Variants in USP32 observed in about 807,000 individuals in gnomAD.
USP32 encodes the protein ubiquitin carboxyl-terminal hydrolase 32.
In USP32, 59 loss-of-function variants were observed where a neutral mutation model predicts 204.8. The ratio of observed to expected loss-of-function variants is 0.29; its 90% CI spans 0.23 to 0.36. The LOEUF is 0.36. Ranked by LOEUF, USP32 falls within the 10% of genes least tolerant of loss-of-function variation. The probability of loss-of-function intolerance (pLI) is 1.00; values close to 1 mark genes in which losing one functional copy is unlikely to be tolerated. For synonymous variants in USP32, 517 were observed against 678.4 expected (o/e 0.76, Z 3.70); for missense variants, 1,160 against 1,946.4 (o/e 0.60, Z 7.60).
Position 60,212,115 on chromosome 17 carries a change from G to C in USP32, c.2105-17C>G. On this transcript the variant is annotated splice_polypyrimidine_tract_variant and intron_variant, in intron 18 of 33. Transcript: ENST00000300896. ...TGTTGCGAACTGGAAGGACAGATAG[G>C]AATGTGTTAATTTCTTATCTATCTA... 1 of 1,582,484 alleles carries C rather than the reference G, an allele frequency of 6.3e-7. No homozygotes were observed. The highest frequency in any genetic ancestry group is 1.8e-5 in the Admixed American group (1 of 55,132).
chr17:60,399,009 C>G (rs2089917427), intron 1 of USP32, among the ~76,000 whole-genome samples: 1 of 151,792 alleles, frequency 6.6e-6, no homozygotes, highest in Non-Finnish European at 1.5e-5. Flanking sequence ...AGAAAAATCT[C>G]TAGAAAGTCC....
intron 2 of USP32, among the ~76,000 whole-genome samples, chr17:60,319,373 A>C (rs923831374): frequency 1.1e-4 from 16 of 152,220 alleles, no homozygotes; most frequent in Non-Finnish European, 2.2e-4. Context: ...TCTGTGAGCT[A>C]GGCACAGTAG....
At chr17:60,378,510 CA>C (rs1042351624) in intron 1 of USP32, among the ~76,000 whole-genome samples, 4 of 152,150 alleles carry the variant, frequency 2.6e-5, no homozygotes, top group Non-Finnish European at 5.9e-5. Context: ...TTCACAACAA[CA>C]TTATTCACAA....
intron 1 of USP32, among the ~76,000 whole-genome samples, chr17:60,363,679 G>A (rs1462139630): frequency 6.6e-6 from 1 of 151,458 alleles, no homozygotes; most frequent in Non-Finnish European, 1.5e-5. Flanking sequence ...AGGGTTTTTT[G>A]GTGGAGATGG....
At chr17:60,231,177 A>G (rs2085538353) in intron 12 of USP32, among the ~76,000 whole-genome samples, 1 of 152,180 alleles carries the variant, frequency 6.6e-6, no homozygotes. Context: ...TATGTGTTCT[A>G]AAATATGGGT....
chr17:60,179,370 T>G lies in USP32; in HGVS notation c.4700A>C (p.Gln1567Pro), dbSNP rs770763522. The change falls in exon 34 of 34, where the codon CAG (glutamine) becomes CCG (proline). Residue 1567 changes from glutamine to proline, a missense_variant. Gln to Pro is a moderately conservative substitution (Grantham distance 76, BLOSUM62 -1). Transcript: ENST00000300896. ...DSAYILFYEQ[Q>P]GIDYAQFLPK... ...CAGAAATTGTGCATAGTCTATCCCC[T>G]GCTGCTCATAGAAAAGAATGTAGGC... 2.7e-5 allele frequency: 44 copies of G among 1,613,312 alleles called. No homozygotes were observed. In the Admixed American group the frequency reaches 7.3e-4, roughly 27 times the overall value.
intron 1 of USP32, among the ~76,000 whole-genome samples, chr17:60,379,231 G>A (rs1204243125): frequency 6.6e-6 from 1 of 152,104 alleles, no homozygotes; most frequent in Non-Finnish European, 1.5e-5. Flanking sequence ...GGGTTTTACA[G>A]CAATGCAAAT....
At chr17:60,324,871 C>T (rs1014156305) in intron 2 of USP32, among the ~76,000 whole-genome samples, 5 of 151,924 alleles carry the variant, frequency 3.3e-5, no homozygotes, top group Non-Finnish European at 5.9e-5. Flanking sequence ...GGTGTGGTGG[C>T]GCATGCCTGT....
intron 1 of USP32, among the ~76,000 whole-genome samples, chr17:60,372,231 T>C (rs2089455495): frequency 6.6e-6 from 1 of 151,946 alleles, no homozygotes; most frequent in Admixed American, 6.6e-5. Context: ...CCAAGGAAAA[T>C]TAAGGAGCTG....
At chr17:60,265,318 G>T in intron 9 of USP32, 94 bp downstream of exon 9, 1 of 815,590 alleles carries the variant, frequency 1.2e-6, no homozygotes, top group Non-Finnish European at 1.9e-6. Flanking sequence ...TAGGGAGGAT[G>T]CCAAAGAGAT....
intron 1 of USP32, among the ~76,000 whole-genome samples, chr17:60,346,949 G>A (rs1041629448): frequency 2.0e-5 from 3 of 152,300 alleles, no homozygotes; most frequent in Admixed American, 2.0e-4. Context: ...CAGAGACTCT[G>A]TCCTGTCATA....
chr17:60,180,341 CTCTT>C (rs2084074791), intron 33 of USP32, among the ~76,000 whole-genome samples, 200 bp downstream of exon 33: 1 of 152,182 alleles, frequency 6.6e-6, no homozygotes, highest in Non-Finnish European at 1.5e-5. Flanking sequence ...AGTCAACTAA[CTCTT>C]TATTTTTCCT....
intron 1 of USP32, among the ~76,000 whole-genome samples, chr17:60,372,111 T>A (rs1235429688): frequency 6.6e-6 from 1 of 152,120 alleles, no homozygotes; most frequent in Non-Finnish European, 1.5e-5. Context: ...TAAATTCTCA[T>A]GCTCAGAAGT....
At position 60,259,448 on chromosome 17, in the gene USP32, G is replaced by A. The variant is rs1450480084; in HGVS notation, c.991-4190C>T. ...TATGAGTGAGTGTGGATATACGTGT[G>A]AGCGCGCCCTTCAGTGGGATGGAGT... On this transcript the variant is annotated intron_variant, in intron 9 of 33. Coordinates refer to ENST00000300896, the MANE Select transcript of USP32 (RefSeq NM_032582.4). Among the ~76,000 whole-genome samples the A allele has an allele frequency of 2.0e-5, 3 of 151,792 alleles. No individual in the cohort carries two copies. The South Asian group carries it at 6.3e-4, about 32-fold the overall frequency.
intron 26 of USP32, among the ~76,000 whole-genome samples, chr17:60,203,498 C>CT (rs949537621): frequency 6.6e-6 from 1 of 151,484 alleles, no homozygotes; most frequent in Admixed American, 6.6e-5. Context: ...AATACAGTAC[C>CT]TTTTTTACAA....
intron 2 of USP32, among the ~76,000 whole-genome samples, chr17:60,331,187 T>G (rs2088373820): frequency 6.6e-6 from 1 of 152,246 alleles, no homozygotes; most frequent in Non-Finnish European, 1.5e-5. Context: ...TAAATAGTGT[T>G]AAGTATTCTT....
chr17:60,222,677 A>ATTTTT (rs373799936), intron 14 of USP32, 128 bp from the exon 15 acceptor site: 12 of 471,256 alleles, frequency 2.5e-5, no homozygotes, highest in Non-Finnish European at 3.8e-5. Context: ...GAAAAACTTA[A>ATTTTT]TTTTTTTTTT....
intron 12 of USP32, among the ~76,000 whole-genome samples, chr17:60,230,734 C>T (rs146279461): frequency 1.4e-4 from 21 of 152,328 alleles, no homozygotes; most frequent in African/African-American, 5.0e-4. Context: ...CCCCTTCCTA[C>T]ACGCTTATTT....
At chr17:60,247,325 G>A (rs1040741935) in intron 11 of USP32, among the ~76,000 whole-genome samples, 5 of 150,612 alleles carry the variant, frequency 3.3e-5, no homozygotes, top group Admixed American at 1.3e-4. Context: ...GATTACAGGC[G>A]CCTGCCACCA....
Sources: gnomAD v4.1 joint callset for allele counts (sites outside exome capture counted in the v4.1 genomes callset) on GRCh38, gnomAD v4.1.1 for gene constraint, MANE v1.5 for transcripts, NCBI Gene and HGNC (gene_info 2026-07-23, HGNC 2026-07-21) for gene names.